The following ST3GAL2 variants were observed in gnomAD, a reference collection of about 807,000 sequenced individuals.
ST3GAL2 encodes CMP-N-acetylneuraminate-beta-galactosamide-alpha-2,3-sialyltransferase 2.
A neutral mutation model predicts 37.5 loss-of-function variants in ST3GAL2; 16 were observed. The observed-to-expected ratio is 0.43, with a 90% CI of 0.29 to 0.65. The LOEUF is 0.65. ST3GAL2 is among the 30% of genes least tolerant of loss of function. The pLI is 0.17. For synonymous variants in ST3GAL2, 238 were observed against 202.9 expected, an observed-to-expected ratio of 1.17 and a Z score of -1.47; for missense variants, 383 against 487.8, an observed-to-expected ratio of 0.79 and a Z score of 2.02.
intron 1 of ST3GAL2, among the ~76,000 whole-genome samples, chr16:70,423,924 G>A (rs1359712534): frequency 6.6e-6 from 1 of 151,888 alleles, no homozygotes; most frequent in Non-Finnish European, 1.5e-5. Context: ...CGGGCGTGGT[G>A]GCAAGCGCCT....
At chr16:70,429,394 C>A (rs1597577303) in intron 1 of ST3GAL2, among the ~76,000 whole-genome samples, 1 of 151,986 alleles carries the variant, frequency 6.6e-6, no homozygotes, top group Non-Finnish European at 1.5e-5. Context: ...GAGATCGAGA[C>A]CATCCTGGCT....
intron 1 of ST3GAL2, among the ~76,000 whole-genome samples, chr16:70,421,161 A>G (rs182277557): frequency 6.6e-6 from 1 of 152,314 alleles, no homozygotes; most frequent in African/African-American, 2.4e-5. Context: ...ACCTGCCTTC[A>G]TGGTCCCGAG....
chr16:70,438,118 A>C (rs1226579842), intron 1 of ST3GAL2, among the ~76,000 whole-genome samples: 2 of 152,182 alleles, frequency 1.3e-5, no homozygotes, highest in Non-Finnish European at 2.9e-5. Context: ...TTGAGCAAGC[A>C]AGCAATTGGT....
rs1401862679 is a variant in ST3GAL2, at chr16:70,395,144, G to C, written c.371C>G (p.Thr124Ser). ...MLQPQFKSHN[T>S]NEVLEKLFQI... is the part of the protein sequence containing the mutation. ...GAACAGCTTCTCCAGCACCTCATTGGTGTTGTGTGACTTGAACTGGGGCTG... is the reference window on the plus strand; with the variant it reads ...GAACAGCTTCTCCAGCACCTCATTGCTGTTGTGTGACTTGAACTGGGGCTG... The change falls in exon 3 of 7, where the codon ACC becomes AGC. Residue 124 changes from threonine to serine, a missense_variant. Thr to Ser is a moderately conservative substitution (Grantham distance 58). Coordinates refer to ENST00000342907, the MANE Select transcript of ST3GAL2 (RefSeq NM_006927.4). 4 of 1,610,364 alleles carry C rather than the reference G, an allele frequency of 2.5e-6. No individual in the cohort carries two copies. The highest frequency in any genetic ancestry group is 3.4e-6 in the Non-Finnish European group (4 of 1,178,362).
intron 1 of ST3GAL2, among the ~76,000 whole-genome samples, chr16:70,419,573 C>T (rs1036579529): frequency 2.0e-5 from 3 of 152,196 alleles, no homozygotes; most frequent in African/African-American, 7.2e-5. Flanking sequence ...CCCAAAGCTC[C>T]AACACACAAG....
chr16:70,424,055 C>T (rs2047733960), intron 1 of ST3GAL2, among the ~76,000 whole-genome samples: 1 of 151,078 alleles, frequency 6.6e-6, no homozygotes, highest in Non-Finnish European at 1.5e-5. Context: ...GAGACTTCGT[C>T]TCAAAAAAAC....
At chr16:70,408,758 A>G (rs1296195054) in intron 1 of ST3GAL2, among the ~76,000 whole-genome samples, 1 of 151,944 alleles carries the variant, frequency 6.6e-6, no homozygotes, top group South Asian at 2.1e-4. Flanking sequence ...AAGAGCTAAC[A>G]CACTTCTTCA....
chr16:70,422,212 G>C (rs774564837), intron 1 of ST3GAL2, among the ~76,000 whole-genome samples: 1 of 152,174 alleles, frequency 6.6e-6, no homozygotes, highest in African/African-American at 2.4e-5. Context: ...AAATGAGCAC[G>C]ATAATGCCTA....
At chr16:70,413,342 G>A (rs1307695901) in intron 1 of ST3GAL2, among the ~76,000 whole-genome samples, 2 of 151,972 alleles carry the variant, frequency 1.3e-5, no homozygotes, top group South Asian at 2.1e-4. Flanking sequence ...TTTGAACCAG[G>A]GAAGTCAAGG....
intron 3 of ST3GAL2, among the ~76,000 whole-genome samples, chr16:70,389,650 G>C (rs929862242): frequency 3.9e-5 from 6 of 152,042 alleles, no homozygotes; most frequent in African/African-American, 1.5e-4. Flanking sequence ...ATTTTCAGTA[G>C]AGACGGGGTT....
chr16:70,422,025 G>A (rs917480694), intron 1 of ST3GAL2, among the ~76,000 whole-genome samples: 3 of 152,120 alleles, frequency 2.0e-5, no homozygotes, highest in Admixed American at 6.5e-5. Flanking sequence ...CTCAGCCCCC[G>A]AAAGTGCTGG....
intron 1 of ST3GAL2, among the ~76,000 whole-genome samples, chr16:70,406,674 C>T (rs1019257014): frequency 1.4e-5 from 2 of 143,650 alleles, no homozygotes; most frequent in African/African-American, 5.2e-5. Flanking sequence ...CCCGCTACTT[C>T]GGAGGCTGAG....
At chr16:70,413,974 G>C (rs983230322) in intron 1 of ST3GAL2, among the ~76,000 whole-genome samples, 1 of 152,120 alleles carries the variant, frequency 6.6e-6, no homozygotes, top group African/African-American at 2.4e-5. Flanking sequence ...TCTTCCTTGT[G>C]TTCTTGTCTA....
rs1597557218 is a variant in ST3GAL2, at chr16:70,389,161, C to T, written c.534-615G>A. 2.8e-5 allele frequency among the ~76,000 whole-genome samples: 3 copies of T among 106,648 alleles called. No individual in the cohort carries two copies. In the South Asian group the frequency reaches 9.6e-4, roughly 34 times the overall value. 70.0% of individuals were successfully genotyped at this position (106,648 alleles called of 152,430 possible). A position where few individuals can be genotyped will look rare whatever the true frequency, so the allele number is the denominator to read the frequency against. On this transcript the variant is annotated intron_variant, in intron 3 of 6. Coordinates refer to ENST00000342907, the MANE Select transcript of ST3GAL2 (RefSeq NM_006927.4). ...TTGGGAGGCCGAGGTGGGCGGATCACGAGGTCAGGAGATCGAGACCACGGT... is the reference window on the plus strand; with the variant it reads ...TTGGGAGGCCGAGGTGGGCGGATCATGAGGTCAGGAGATCGAGACCACGGT...
rs1384777639 is a variant in ST3GAL2 at position 70,398,175 on chromosome 16, G to A, written c.339+17C>T. ...AAACTGGGGGACAGATCCCTGGAAG[G>A]GAGCAGCAGCTCTTACCATCCACCA... is the stretch of plus-strand genomic sequence containing the variant. On this transcript the variant is annotated intron_variant, in intron 2 of 6. Coordinates refer to ENST00000342907, the MANE Select transcript of ST3GAL2 (RefSeq NM_006927.4). 6.2e-7 allele frequency: 1 copy of A among 1,604,790 alleles called. No homozygotes were observed. The highest frequency in any genetic ancestry group is 1.1e-5 in the South Asian group (1 of 90,718).
rs2047539170 is a variant in ST3GAL2 at position 70,399,266 on chromosome 16, A to C, written c.-736T>G. The C allele has an allele frequency of 2.5e-6, 1 of 398,722 alleles. No individual in the cohort carries two copies. Among genetic ancestry groups the C allele is most frequent in the African/African-American group, 2.1e-5 (1 of 48,620 alleles). The allele number at this position is 398,722 out of a possible 1,614,324, so 24.7% of individuals were successfully genotyped here. A position where few individuals can be genotyped will look rare whatever the true frequency, so the allele number is the denominator to read the frequency against. On this transcript the variant is annotated 5_prime_UTR_variant, in exon 2 of 7. Coordinates refer to ENST00000342907, the MANE Select transcript of ST3GAL2 (RefSeq NM_006927.4). ...GCCCCAGCCCCAGCTGCAGTTGCGT[A>C]GGGGTCGCAAAGCTCCTACTGTGGC... is the stretch of plus-strand genomic sequence containing the variant.
At chr16:70,433,541 G>T (rs1468857742) in intron 1 of ST3GAL2, among the ~76,000 whole-genome samples, 1 of 152,106 alleles carries the variant, frequency 6.6e-6, no homozygotes, top group Non-Finnish European at 1.5e-5. Flanking sequence ...GCCAAGGAAG[G>T]GAACAAGGGA....
Position 70,439,042 on chromosome 16 carries a change from G to A in ST3GAL2, c.-1097C>T. 1 of 163,624 alleles carries A rather than the reference G, an allele frequency of 6.1e-6. No homozygotes were observed. The highest frequency in any genetic ancestry group is 1.3e-5 in the Non-Finnish European group (1 of 79,302). 10.1% of individuals were successfully genotyped at this position (163,624 alleles called of 1,614,324 possible). ...AGCCGTCGCCGCCGCCGCCGCCGCC[G>A]CCGCCGTCGTCCGGACCCGTTAGCT... On this transcript the variant is annotated 5_prime_UTR_variant, in exon 1 of 7. Coordinates refer to ENST00000342907, the MANE Select transcript of ST3GAL2 (RefSeq NM_006927.4).
At chr16:70,385,698 C>CTTTTTTTTTTTT (rs1034830291) in intron 4 of ST3GAL2, among the ~76,000 whole-genome samples, 5 of 92,210 alleles carry the variant, frequency 5.4e-5, no homozygotes, top group Admixed American at 2.3e-4. Context: ...TTTTTTGGTT[C>CTTTTTTTTTTTT]TTTTTTTTTT....
Sources: gnomAD v4.1 joint callset for allele counts (sites outside exome capture counted in the v4.1 genomes callset) on GRCh38, gnomAD v4.1.1 for gene constraint, MANE v1.5 for transcripts, NCBI Gene and HGNC (gene_info 2026-07-23, HGNC 2026-07-21) for gene names.